The following CARD8 variants were observed in gnomAD, a reference collection of about 807,000 sequenced individuals.
CARD8 encodes caspase recruitment domain-containing protein 8.
CARD8 carries 38 observed loss-of-function variants against 53.2 expected under a neutral mutation model. The observed-to-expected ratio is 0.71, with a 90% CI of 0.55 to 0.94. CARD8 has a LOEUF of 0.94. CARD8 is among the 40% of genes least tolerant of loss of function. The pLI is 0.00. For synonymous variants in CARD8, 245 were observed against 244.9 expected (o/e 1.00, Z 0.00); for missense variants, 561 against 655.5 (o/e 0.86, Z 1.57).
At chr19:48,206,677 G>C (rs1257631009), downstream of CARD8, among the ~76,000 whole-genome samples, 2 of 151,052 alleles carry the variant, frequency 1.3e-5, no homozygotes, top group South Asian at 2.1e-4. Context: ...CTGCAGTCAG[G>C]GGCTCTTGAG....
Position 48,231,706 on chromosome 19 carries a change from C to T in CARD8, c.496G>A (p.Gly166Arg). The T allele has an allele frequency of 6.2e-7, 1 of 1,612,692 alleles. No homozygotes were observed. The highest frequency in any genetic ancestry group is 2.2e-5 in the East Asian group (1 of 44,868). The stretch of plus-strand genomic sequence containing the variant: ...TCAATCAACTCAACATCCACATTTC[C>T]TTCAGGCCCCAGAAACTGACGATTT... ...YKNRQFLGPE[G>R]NVDVELIDKS... The change falls in exon 8 of 14, where the codon GGA becomes AGA. Residue 166 changes from glycine to arginine, a missense_variant. Physicochemically the swap from Gly to Arg is moderately radical, Grantham distance 125. Transcript: ENST00000651546.
chr19:48,231,943 A>G (rs752203755), intron 7 of CARD8, 133 bp from the exon 8 acceptor site: 8 of 793,876 alleles, frequency 1.0e-5, no homozygotes, highest in Non-Finnish European at 1.7e-5. Context: ...TGACCAGAAT[A>G]TGCAGTTTCG....
At chr19:48,218,561 G>A (rs10410871) in intron 12 of CARD8, among the ~76,000 whole-genome samples, 47,638 of 151,552 alleles carry the variant, frequency 0.31, 7,824 homozygotes, top group East Asian at 0.52. Context: ...ACCATGTTGA[G>A]CAGGCTGGTC....
chr19:48,203,315 A>T (rs891515236), downstream of CARD8: 2 of 152,104 alleles, frequency 1.3e-5, no homozygotes, highest in African/African-American at 4.8e-5. Context: ...CCTTCACAGC[A>T]CTTATCACTA....
At chr19:48,227,159 T>C (rs986498621) in intron 10 of CARD8, among the ~76,000 whole-genome samples, 2 of 151,922 alleles carry the variant, frequency 1.3e-5, no homozygotes, top group Non-Finnish European at 1.5e-5. Flanking sequence ...ATGGCTTGAA[T>C]GACTCAATGA....
At chr19:48,236,982 G>A (rs1160788791) in intron 5 of CARD8, among the ~76,000 whole-genome samples, 2 of 151,980 alleles carry the variant, frequency 1.3e-5, no homozygotes, top group Admixed American at 6.6e-5. Context: ...CTCCATGTTG[G>A]TCAGGCTGGT....
Position 48,234,411 on chromosome 19 carries a change from G to T in CARD8, c.342C>A (p.Asp114Glu), listed in dbSNP as rs1280184111. 3.7e-6 allele frequency: 6 copies of T among 1,609,724 alleles called. No individual in the cohort carries two copies. The highest frequency in any genetic ancestry group is 1.3e-5 in the African/African-American group (1 of 74,658). ...GGAATAGCTTTTCTTACCTGGGAAT[G>T]TCCCCCCCAGATAGTTGACACTCAG... ...AVPECQLSGG[D>E]IPSVSEEQES... Residue 114 changes from aspartate (D) to glutamate (E), a missense_variant, in exon 6 of 14, where the codon GAC (aspartate) becomes GAA (glutamate). Asp to Glu is a conservative substitution (Grantham distance 45). Coordinates refer to ENST00000651546, the MANE Select transcript of CARD8 (RefSeq NM_001184900.3).
chr19:48,253,522 G>C (rs1283804837), intron 1 of CARD8, among the ~76,000 whole-genome samples: 1 of 152,056 alleles, frequency 6.6e-6, no homozygotes, highest in Admixed American at 6.6e-5. Flanking sequence ...ATGAATGTCA[G>C]ACAAATTAGG....
At chr19:48,226,525 C>T (rs1363407896) in intron 10 of CARD8, among the ~76,000 whole-genome samples, 1 of 152,074 alleles carries the variant, frequency 6.6e-6, no homozygotes, top group Non-Finnish European at 1.5e-5. Context: ...ATGCCCAGCC[C>T]CATCATTTAT....
intron 3 of CARD8, among the ~76,000 whole-genome samples, chr19:48,248,827 TATC>T (rs2046529644): frequency 6.6e-6 from 1 of 152,222 alleles, no homozygotes; most frequent in Non-Finnish European, 1.5e-5. Flanking sequence ...TTGATTATAA[TATC>T]ATCATTGCAT....
chr19:48,249,006 T>C (rs949004664), intron 3 of CARD8, among the ~76,000 whole-genome samples: 7 of 152,104 alleles, frequency 4.6e-5, no homozygotes, highest in Non-Finnish European at 8.8e-5. Flanking sequence ...GAAGCCAGAC[T>C]GGCAACATAG....
chr19:48,243,958 GTCT>G (rs1224456397), intron 3 of CARD8, among the ~76,000 whole-genome samples: 4 of 152,196 alleles, frequency 2.6e-5, no homozygotes, highest in African/African-American at 9.7e-5. Flanking sequence ...TTGGTCTACA[GTCT>G]TCTTTTTTTC....
intron 1 of CARD8, 184 bp downstream of exon 1, chr19:48,255,608 A>G (rs530205458): frequency 7.9e-5 from 12 of 152,188 alleles, no homozygotes; most frequent in Admixed American, 1.3e-4. Context: ...CCGAGCTTCC[A>G]GAGGGTTTTG....
chr19:48,213,468 G>T (rs2038477235), intron 13 of CARD8, among the ~76,000 whole-genome samples: 1 of 152,124 alleles, frequency 6.6e-6, no homozygotes, highest in Non-Finnish European at 1.5e-5. Context: ...TCCGCCCCTG[G>T]GTTCAAGCGA....
Position 48,230,572 on chromosome 19 carries a change from T to A in CARD8, c.901A>T (p.Ile301Phe). The A allele has an allele frequency of 1.2e-6, 2 of 1,614,144 alleles. No homozygotes were observed. Among genetic ancestry groups the A allele is most frequent in the Non-Finnish European group, 1.7e-6 (2 of 1,180,038 alleles). Residue 301 changes from isoleucine to phenylalanine, a missense_variant, in exon 10 of 14, where the codon ATC becomes TTC. By Grantham distance (21) the Ile-to-Phe change is conservative. Transcript: ENST00000651546. The part of the protein sequence containing the change: ...LESPSFSLMG[I>F]LLRIASGTRL... ...GTCCCACTGGCGATCCGCAGCAGGA[T>A]GCCCATCAGAGAGAAGCTGGGGCTT...
intron 10 of CARD8, chr19:48,223,907 G>A (rs115051221): frequency 0.02 from 8,902 of 456,114 alleles, 497 homozygotes; most frequent in African/African-American, 0.13. Context: ...TTTATTGGAT[G>A]AATAAATGGG....
intron 5 of CARD8, 172 bp downstream of exon 5, chr19:48,238,211 G>A: frequency 8.2e-7 from 1 of 1,222,120 alleles, no homozygotes; most frequent in Non-Finnish European, 1.1e-6. Flanking sequence ...TACTTCTTAT[G>A]AGATACAAAC....
intron 3 of CARD8, 143 bp downstream of exon 3, chr19:48,249,380 G>GA (rs2046640763): frequency 6.6e-6 from 1 of 152,128 alleles, no homozygotes; most frequent in South Asian, 2.1e-4. Flanking sequence ...GTGGCTGGAT[G>GA]AATTTCAGAG....
At chr19:48,223,952 C>A (rs115223532) in intron 10 of CARD8, 8,769 of 449,318 alleles carry the variant, frequency 0.02, 483 homozygotes, top group African/African-American at 0.13. Flanking sequence ...TAGAAATGTA[C>A]TGCAACCCCC....
Sources: allele counts gnomAD v4.1 joint callset (sites outside exome capture counted in the v4.1 genomes callset), GRCh38; gene constraint gnomAD v4.1.1; transcripts MANE v1.5; gene names NCBI Gene and HGNC (gene_info 2026-07-23, HGNC 2026-07-21).